Variants in DTNA observed in about 807,000 individuals in gnomAD.
The protein encoded by DTNA is dystrobrevin alpha.
A neutral mutation model predicts 100.7 loss-of-function variants in DTNA; 43 were observed. The ratio of observed to expected loss-of-function variants is 0.43; its 90% confidence interval spans 0.33 to 0.55. DTNA has a LOEUF of 0.55. Among genes scored for constraint, DTNA ranks in the 20% least tolerant of loss-of-function variants. The probability of loss-of-function intolerance (pLI) is 0.04; values close to 1 mark genes in which losing one functional copy is unlikely to be tolerated. For missense variants in DTNA, 798 were observed against 953.9 expected (o/e 0.84, Z 2.15); for synonymous variants, 349 against 347.9 (o/e 1.00, Z -0.04).
chr18:34,583,314 C>T (rs367582315), intron 1 of DTNA, among the ~76,000 whole-genome samples: 1 of 152,114 alleles, frequency 6.6e-6, no homozygotes, highest in Admixed American at 6.6e-5. Context: ...AATGAAATAT[C>T]ATGTTGCCCC....
intron 11 of DTNA, among the ~76,000 whole-genome samples, chr18:34,837,165 G>A (rs960781069): frequency 1.3e-5 from 2 of 152,114 alleles, no homozygotes; most frequent in East Asian, 1.9e-4. Flanking sequence ...CCATGAAGAA[G>A]GAGAGGGACA....
intron 1 of DTNA, among the ~76,000 whole-genome samples, chr18:34,749,626 A>G: frequency 7.1e-6 from 1 of 140,468 alleles, no homozygotes; most frequent in East Asian, 2.1e-4. Flanking sequence ...TAGTGAGCTC[A>G]TGCACCTCTC....
At chr18:34,651,793 G>A (rs1210567284) in intron 1 of DTNA, among the ~76,000 whole-genome samples, 1 of 152,174 alleles carries the variant, frequency 6.6e-6, no homozygotes, top group Non-Finnish European at 1.5e-5. Context: ...GCCGAGCATG[G>A]TGACTCATAC....
At chr18:34,605,475 A>G (rs751361469) in intron 1 of DTNA, among the ~76,000 whole-genome samples, 2 of 152,196 alleles carry the variant, frequency 1.3e-5, no homozygotes, top group Non-Finnish European at 2.9e-5. Context: ...TTTTCAAAGC[A>G]GAGACATTAC....
At chr18:34,598,221 T>C (rs2051046693) in intron 1 of DTNA, among the ~76,000 whole-genome samples, 8 of 151,480 alleles carry the variant, frequency 5.3e-5, no homozygotes, top group Admixed American at 4.6e-4. Flanking sequence ...TTCTTTCTTT[T>C]TTTTTTTTTT....
intron 1 of DTNA, among the ~76,000 whole-genome samples, chr18:34,592,187 C>T (rs747188438): frequency 2.6e-5 from 4 of 151,958 alleles, no homozygotes; most frequent in Non-Finnish European, 5.9e-5. Context: ...GAGATGTGTC[C>T]AATTACCAAA....
chr18:34,806,392 A>T, intron 5 of DTNA, 88 bp downstream of exon 5: 2 of 1,068,476 alleles, frequency 1.9e-6, no homozygotes, highest in Non-Finnish European at 2.9e-6. Context: ...TCCCCTCCCC[A>T]TTTGTATCTT....
intron 1 of DTNA, among the ~76,000 whole-genome samples, chr18:34,559,614 C>A (rs1002590920): frequency 3.9e-5 from 6 of 152,180 alleles, no homozygotes; most frequent in Non-Finnish European, 8.8e-5. Flanking sequence ...TTCCTTCATT[C>A]ACCAAGGCTC....
At chr18:34,508,972 A>C (rs2040768092) in intron 1 of DTNA, among the ~76,000 whole-genome samples, 1 of 152,110 alleles carries the variant, frequency 6.6e-6, no homozygotes. Context: ...ATTACTTTCT[A>C]TCCTTTCACT....
rs1471465747 is a variant in DTNA at position 34,884,740 on chromosome 18, G to A, written c.2308G>A (p.Gly770Ser). ...TTGTCACCCACAGGTCAGCTTGCAA[G>A]GTTGAATGCAATATCCTTTTATCAC... ...QDEAYQVSLQ[G>S] The change falls in exon 22 of 23, where the codon GGT (glycine) becomes AGT (serine). Residue 770 changes from glycine to serine, a missense_variant. By Grantham distance (56) the Gly-to-Ser change is moderately conservative. Around this residue, in one of 6 missense-constraint regions of DTNA, gnomAD observed 242 missense variants for 238.2 expected, o/e 1.02. Coordinates refer to ENST00000444659, the MANE Select transcript of DTNA (RefSeq NM_001386795.1). The A allele has an allele frequency of 1.2e-6, 2 of 1,614,008 alleles. No individual in the cohort carries two copies. The highest frequency in any genetic ancestry group is 2.2e-5 in the East Asian group (1 of 44,892).
chr18:34,744,467 T>A (rs1350990347), intron 1 of DTNA, among the ~76,000 whole-genome samples: 1 of 152,014 alleles, frequency 6.6e-6, no homozygotes, highest in Non-Finnish European at 1.5e-5. Flanking sequence ...GAAAAAAATA[T>A]CATGAGGCTT....
chr18:34,736,581 T>C (rs2089637893), intron 1 of DTNA, among the ~76,000 whole-genome samples: 1 of 152,178 alleles, frequency 6.6e-6, no homozygotes, highest in Non-Finnish European at 1.5e-5. Context: ...AAGTCAACTT[T>C]ATAAAGATAA....
chr18:34,791,619 A>G (rs1421334374), intron 3 of DTNA, among the ~76,000 whole-genome samples: 1 of 152,224 alleles, frequency 6.6e-6, no homozygotes, highest in African/African-American at 2.4e-5. Flanking sequence ...TTCCTTGTTG[A>G]TTAATTCTTG....
At chr18:34,594,728 G>C (rs954847955) in intron 1 of DTNA, among the ~76,000 whole-genome samples, 1 of 152,162 alleles carries the variant, frequency 6.6e-6, no homozygotes, top group African/African-American at 2.4e-5. Flanking sequence ...CAACTACTGA[G>C]TAATCTAGTG....
At chr18:34,747,495 A>G (rs2091788107) in intron 1 of DTNA, among the ~76,000 whole-genome samples, 1 of 151,988 alleles carries the variant, frequency 6.6e-6, no homozygotes, top group Non-Finnish European at 1.5e-5. Flanking sequence ...TCACCTCCCT[A>G]CCATCCTTCT....
At chr18:34,740,371 A>T (rs778503454) in intron 1 of DTNA, among the ~76,000 whole-genome samples, 4 of 152,060 alleles carry the variant, frequency 2.6e-5, no homozygotes, top group Non-Finnish European at 4.4e-5. Context: ...CTGCTTGTTC[A>T]CTCTGGGACA....
intron 6 of DTNA, among the ~76,000 whole-genome samples, chr18:34,814,314 G>A (rs1463592505): frequency 6.6e-6 from 1 of 152,072 alleles, no homozygotes; most frequent in African/African-American, 2.4e-5. Context: ...AGAATAATTG[G>A]TAAATGTGCT....
intron 1 of DTNA, among the ~76,000 whole-genome samples, chr18:34,735,668 C>T (rs2089416029): frequency 6.6e-6 from 1 of 152,062 alleles, no homozygotes; most frequent in Non-Finnish European, 1.5e-5. Context: ...GGCAGCTTTC[C>T]CTGGACCTAA....
intron 18 of DTNA, among the ~76,000 whole-genome samples, chr18:34,876,376 G>A (rs2096818467): frequency 6.6e-6 from 1 of 152,160 alleles, no homozygotes; most frequent in African/African-American, 2.4e-5. Context: ...CAGTCTTGAG[G>A]AAACCATTTC....
Sources: gnomAD v4.1 joint callset for allele counts (sites outside exome capture counted in the v4.1 genomes callset) on GRCh38, gnomAD v4.1.1 for gene constraint, gnomAD v4.1.1 regional missense constraint, MANE v1.5 for transcripts, NCBI Gene and HGNC (gene_info 2026-07-23, HGNC 2026-07-21) for gene names.